HEPH: variants seen among roughly 807,000 people sequenced by gnomAD.
The protein encoded by HEPH is hephaestin.
In HEPH, 69 loss-of-function variants were observed where a neutral mutation model predicts 80.8. The ratio of observed to expected loss-of-function variants is 0.85; its 90% CI spans 0.70 to 1.04. The LOEUF is 1.04. Ranked by LOEUF, HEPH falls within the 50% of genes least tolerant of loss-of-function variation. HEPH has a pLI of 0.00. For missense variants in HEPH, 1,115 were observed against 891.3 expected (o/e 1.25, Z -3.20); for synonymous variants, 431 against 322.8 (o/e 1.34, Z -3.60).
intron 15 of HEPH, among the ~76,000 whole-genome samples, chrX:66,244,391 T>G (rs2090722717): frequency 1.8e-5 from 2 of 111,903 alleles, no homozygotes; most frequent in Non-Finnish European, 3.8e-5. Flanking sequence ...TAATGGGTTA[T>G]TTCAGAGAAC....
intron 1 of HEPH, among the ~76,000 whole-genome samples, chrX:66,165,431 C>G (rs534024532): frequency 9.0e-6 from 1 of 111,376 alleles, no homozygotes; most frequent in African/African-American, 3.3e-5. Context: ...AAGACAGGGC[C>G]CCAAAGATGG....
chrX:66,232,252 G>T (rs1051881905), intron 15 of HEPH, among the ~76,000 whole-genome samples: 2 of 110,924 alleles, frequency 1.8e-5, no homozygotes, highest in African/African-American at 3.3e-5. Flanking sequence ...TTTTGGTTGT[G>T]TCTCTGCCCG....
At chrX:66,203,683 G>C (rs1350683797) in intron 13 of HEPH, 106 bp downstream of exon 13, 5 of 638,976 alleles carry the variant, frequency 7.8e-6, no homozygotes, top group Non-Finnish European at 9.5e-6. Context: ...CTCCTAATGT[G>C]ATACCAACAG....
chrX:66,168,696 G>T (rs1465492994), intron 1 of HEPH, among the ~76,000 whole-genome samples: 1 of 111,758 alleles, frequency 8.9e-6, no homozygotes, highest in African/African-American at 3.3e-5. Flanking sequence ...ATGTGAATCT[G>T]TGCATATATT....
At chrX:66,186,366 G>A (rs1232213116) in intron 4 of HEPH, among the ~76,000 whole-genome samples, 7 of 110,129 alleles carry the variant, frequency 6.4e-5, no homozygotes, top group East Asian at 2.9e-4. Context: ...TTCCGTGGGC[G>A]TAGGACCCTC....
rs1205667896 is a variant in HEPH, at chrX:66,231,430, G to C, written c.2563+23184G>C. ...ATGAGCATGGAATGTTCTTCCATTT[G>C]TTTGTATCCTCTTTTATTTCCTTGA... On this transcript the variant is annotated intron_variant, in intron 15 of 20. Transcript: ENST00000343002. Among the ~76,000 whole-genome samples, 14 of 103,450 alleles carry C rather than the reference G, an allele frequency of 1.4e-4. No homozygotes were observed. In the South Asian group the frequency reaches 4.2e-3, roughly 31 times the overall value. The allele number at this position is 103,450 out of a possible 115,157, so 89.8% of individuals were successfully genotyped here.
chrX:66,180,450 C>A (rs1012808289), intron 4 of HEPH, among the ~76,000 whole-genome samples: 1 of 111,127 alleles, frequency 9.0e-6, no homozygotes, highest in South Asian at 3.7e-4. Context: ...TCCCTTCTAG[C>A]TTGTAGAGTT....
chrX:66,218,829 A>G (rs996939268), intron 15 of HEPH, among the ~76,000 whole-genome samples: 3 of 98,295 alleles, frequency 3.1e-5, no homozygotes, highest in African/African-American at 1.3e-4. Context: ...TTTTCTATAC[A>G]ATGTCTGTAA....
chrX:66,198,851 C>G, intron 10 of HEPH, 27 bp from the exon 11 acceptor site: 1 of 1,123,485 alleles, frequency 8.9e-7, no homozygotes, highest in Non-Finnish European at 1.2e-6. Context: ...TCATTATTCC[C>G]TCTACTTTCT....
At chrX:66,236,761 A>G (rs2090375910) in intron 15 of HEPH, among the ~76,000 whole-genome samples, 1 of 110,526 alleles carries the variant, frequency 9.0e-6, no homozygotes, top group Non-Finnish European at 1.9e-5. Flanking sequence ...TTTATGGAGG[A>G]TGTGGCTGGT....
At chrX:66,198,814 C>A in intron 10 of HEPH, 64 bp from the exon 11 acceptor site, 2 of 866,282 alleles carry the variant, frequency 2.3e-6, no homozygotes, top group Non-Finnish European at 1.7e-6. Flanking sequence ...TCTGTAACGA[C>A]ACAGTCTACA....
At chrX:66,201,045 G>A (rs1192590383) in intron 12 of HEPH, among the ~76,000 whole-genome samples, 1 of 111,013 alleles carries the variant, frequency 9.0e-6, no homozygotes, top group Non-Finnish European at 1.9e-5. Flanking sequence ...TATATGGCAG[G>A]GAGTGGACTT....
At chrX:66,178,815 G>A (rs1479638139) in intron 4 of HEPH, among the ~76,000 whole-genome samples, 29 of 111,856 alleles carry the variant, frequency 2.6e-4, no homozygotes, top group South Asian at 7.4e-4. Context: ...TTGTAAATTT[G>A]TTTGAATTAT....
rs371376777 is a variant in HEPH at position 66,242,356 on chromosome X, C to G, written c.2564-12679C>G. ...ACTGGACCCTTTCTTTAATCATATA[C>G]AAAAATCAACTCAAAATTGATTAAA... On this transcript the variant is annotated intron_variant, in intron 15 of 20. Transcript: ENST00000343002. Among the ~76,000 whole-genome samples the G allele has an allele frequency of 3.6e-5, 4 of 111,412 alleles. No homozygotes were observed. The East Asian group carries it at 8.4e-4, about 23-fold the overall frequency.
At chrX:66,166,092 T>C (rs954185166) in intron 1 of HEPH, among the ~76,000 whole-genome samples, 1 of 112,135 alleles carries the variant, frequency 8.9e-6, no homozygotes, top group Non-Finnish European at 1.9e-5. Flanking sequence ...TTCAAGGTTA[T>C]ATAACCAATA....
intron 15 of HEPH, among the ~76,000 whole-genome samples, chrX:66,216,342 C>T (rs191973239): frequency 2.7e-5 from 3 of 111,938 alleles, no homozygotes; most frequent in African/African-American, 6.5e-5. Context: ...ACTTCACTCC[C>T]CTGCTACCTC....
chrX:66,172,385 G>C lies in HEPH; in HGVS notation c.198G>C (p.Lys66Asn), dbSNP rs1268111979. The change falls in exon 3 of 21, where the codon AAG (lysine) becomes AAC (asparagine). Residue 66 changes from lysine to asparagine, a missense_variant. Lys to Asn is a moderately conservative substitution (Grantham distance 94). This residue lies in a region of HEPH where 391 missense variants were observed against 343.6 expected (regional missense o/e 1.14). Coordinates refer to ENST00000343002, the MANE Select transcript of HEPH (RefSeq NM_001367233.3). ...IVASSFLKSD[K>N]NRIGGTYKKT... ...CTTCCAGCTTCTTAAAGTCTGACAA[G>C]AACCGGATAGGGGGAACCTACAAGA... 1 of 1,191,105 alleles carries C rather than the reference G, an allele frequency of 8.4e-7. No individual in the cohort carries two copies. Among genetic ancestry groups the C allele is most frequent in the Admixed American group, 2.3e-5 (1 of 43,939 alleles).
chrX:66,190,290 G>A (rs1457748324), intron 6 of HEPH, among the ~76,000 whole-genome samples: 1 of 111,089 alleles, frequency 9.0e-6, no homozygotes, highest in Non-Finnish European at 1.9e-5. Context: ...GGGAGTGAAG[G>A]AGAGATTAAT....
At position 66,258,892 on chromosome X, in the gene HEPH, A is replaced by G; in HGVS notation, c.2949A>G (p.Gly983=). 1 of 1,196,541 alleles carries G rather than the reference A, an allele frequency of 8.4e-7. No homozygotes were observed. The highest frequency in any genetic ancestry group is 1.1e-6 in the Non-Finnish European group (1 of 887,625). Residue 983 remains glycine, a synonymous_variant, in exon 18 of 21, where the codon GGA becomes GGG. Coordinates refer to ENST00000343002, the MANE Select transcript of HEPH (RefSeq NM_001367233.3). ...TTAGGGGTCTTACCATGTACCAAGG[A>G]GAACGAGTGGCCTGGTACATGCTGG... ...ANLRGLTMYQ[G]ERVAWYMLAM...
Sources: allele counts gnomAD v4.1 joint callset (sites outside exome capture counted in the v4.1 genomes callset), GRCh38; gene constraint gnomAD v4.1.1; regional missense constraint gnomAD v4.1.1; transcripts MANE v1.5; gene names NCBI Gene and HGNC (gene_info 2026-07-23, HGNC 2026-07-21).